Variants in KITLG observed in about 807,000 individuals in gnomAD.
The protein encoded by KITLG is KIT ligand.
A neutral mutation model predicts 34.1 loss-of-function variants in KITLG; 13 were observed. The ratio of observed to expected loss-of-function variants is 0.38; its 90% CI spans 0.25 to 0.61. KITLG has a LOEUF of 0.61. Among genes scored for constraint, KITLG ranks in the 20% least tolerant of loss-of-function variants. The pLI is 0.60. For synonymous variants in KITLG, 110 were observed against 104.0 expected (o/e 1.06, Z -0.35); for missense variants, 292 against 318.9 (o/e 0.92, Z 0.64).
At chr12:88,569,226 C>T (rs1320169159) in intron 1 of KITLG, among the ~76,000 whole-genome samples, 3 of 152,098 alleles carry the variant, frequency 2.0e-5, no homozygotes, top group Non-Finnish European at 2.9e-5. Context: ...ATTGGTGCCG[C>T]GATCTTGGGC....
At chr12:88,552,218 A>C (rs1285976513) in intron 1 of KITLG, among the ~76,000 whole-genome samples, 1 of 149,320 alleles carries the variant, frequency 6.7e-6, no homozygotes, top group Non-Finnish European at 1.5e-5. Context: ...TCTGTTGCTC[A>C]GGCTGGGATG....
chr12:88,549,796 G>T (rs1870832936), intron 1 of KITLG, among the ~76,000 whole-genome samples: 1 of 152,066 alleles, frequency 6.6e-6, no homozygotes, highest in South Asian at 2.1e-4. Context: ...GTGAGTAAAA[G>T]TATAAAAAAG....
chr12:88,526,516 G>A (rs1232987744), intron 3 of KITLG, among the ~76,000 whole-genome samples: 2 of 152,100 alleles, frequency 1.3e-5, no homozygotes, highest in African/African-American at 2.4e-5. Flanking sequence ...AAATGCATAT[G>A]AGCATCCATG....
chr12:88,541,411 T>G (rs1352317398), intron 2 of KITLG, among the ~76,000 whole-genome samples: 2 of 152,166 alleles, frequency 1.3e-5, no homozygotes, highest in African/African-American at 4.8e-5. Context: ...ACATTTTTTC[T>G]TTTTAGCAAC....
At chr12:88,499,533 T>A (rs879888946) in intron 9 of KITLG, among the ~76,000 whole-genome samples, 2 of 152,216 alleles carry the variant, frequency 1.3e-5, no homozygotes, top group African/African-American at 2.4e-5. Context: ...CAAATAAGAT[T>A]CTTTGCAGAT....
chr12:88,545,699 A>T, intron 2 of KITLG, 53 bp downstream of exon 2: 3 of 1,033,136 alleles, frequency 2.9e-6, no homozygotes, highest in Non-Finnish European at 4.4e-6. Flanking sequence ...CAAGCACAGG[A>T]AAAAGAGCCA....
intron 3 of KITLG, among the ~76,000 whole-genome samples, chr12:88,523,553 T>G (rs1033742048): frequency 2.0e-5 from 3 of 152,190 alleles, no homozygotes; most frequent in Non-Finnish European, 4.4e-5. Flanking sequence ...TAATCCAGAG[T>G]CATACCAATG....
At position 88,496,394 on chromosome 12, in the gene KITLG, T is replaced by C. The variant is rs1428844772; in HGVS notation, c.*825A>G. On this transcript the variant is annotated 3_prime_UTR_variant, in exon 10 of 10. Coordinates refer to ENST00000644744, the MANE Select transcript of KITLG (RefSeq NM_000899.5). ...TTTTGCAAACACGATTTATACACCC[T>C]ATAGTGGTCAAGGGAAAAGGCGGAC... 1.3e-5 allele frequency: 2 copies of C among 152,174 alleles called. No homozygotes were observed. Among genetic ancestry groups the C allele is most frequent in the African/African-American group, 4.8e-5 (2 of 41,436 alleles). The allele number at this position is 152,174 out of a possible 1,614,324, so 9.4% of individuals were successfully genotyped here. A position where few individuals can be genotyped will look rare whatever the true frequency, so the allele number is the denominator to read the frequency against.
chr12:88,518,438 G>A (rs1422160650), intron 4 of KITLG, among the ~76,000 whole-genome samples: 2 of 152,130 alleles, frequency 1.3e-5, no homozygotes, highest in Non-Finnish European at 2.9e-5. Context: ...GATAAAGGCA[G>A]GACTGATTTT....
At chr12:88,523,088 A>T (rs1227202996) in intron 3 of KITLG, among the ~76,000 whole-genome samples, 1 of 152,134 alleles carries the variant, frequency 6.6e-6, no homozygotes, top group Non-Finnish European at 1.5e-5. Context: ...TACTTTCTTT[A>T]ATTCGTGTCA....
chr12:88,572,221 T>C (rs1871673840), intron 1 of KITLG, among the ~76,000 whole-genome samples: 1 of 152,134 alleles, frequency 6.6e-6, no homozygotes, highest in Admixed American at 6.6e-5. Flanking sequence ...TTTAAAAGTC[T>C]CATTATTGAA....
intron 2 of KITLG, among the ~76,000 whole-genome samples, chr12:88,545,088 T>C (rs1870669081): frequency 6.6e-6 from 1 of 152,136 alleles, no homozygotes; most frequent in African/African-American, 2.4e-5. Flanking sequence ...GCATTCCAGA[T>C]GTGTTATGCC....
intron 2 of KITLG, chr12:88,534,555 C>G: frequency 2.6e-6 from 1 of 387,754 alleles, no homozygotes. Flanking sequence ...TTAGCAGAGA[C>G]GGGGTTTTGC....
At chr12:88,575,418 C>T (rs1806173837) in intron 1 of KITLG, among the ~76,000 whole-genome samples, 1 of 152,052 alleles carries the variant, frequency 6.6e-6, no homozygotes, top group Admixed American at 6.6e-5. Flanking sequence ...AAATCACTCC[C>T]CCACCTCTTT....
intron 6 of KITLG, among the ~76,000 whole-genome samples, chr12:88,512,671 T>C (rs974076563): frequency 8.6e-5 from 13 of 151,404 alleles, no homozygotes; most frequent in Admixed American, 2.0e-4. Context: ...AGGGTAAAAA[T>C]AAGACAAATG....
chr12:88,527,987 T>A (rs1478979336), intron 3 of KITLG, among the ~76,000 whole-genome samples: 1 of 152,180 alleles, frequency 6.6e-6, no homozygotes. Context: ...TTATTATTGC[T>A]GCTATAACAA....
intron 1 of KITLG, among the ~76,000 whole-genome samples, chr12:88,574,369 T>C (rs908048834): frequency 2.6e-5 from 4 of 151,266 alleles, no homozygotes; most frequent in African/African-American, 9.7e-5. Flanking sequence ...GGAAAGGAGG[T>C]AAGCAAGCAC....
intron 1 of KITLG, among the ~76,000 whole-genome samples, chr12:88,557,533 T>C (rs1281557528): frequency 1.3e-5 from 2 of 152,164 alleles, no homozygotes; most frequent in Non-Finnish European, 2.9e-5. Context: ...TCTGTGAGGA[T>C]AATGATGTGT....
At chr12:88,511,849 C>T (rs1869288698) in intron 6 of KITLG, among the ~76,000 whole-genome samples, 1 of 152,032 alleles carries the variant, frequency 6.6e-6, no homozygotes, top group African/African-American at 2.4e-5. Flanking sequence ...TTCCCTTGTA[C>T]CCAAGAAAGT....
Sources: gnomAD v4.1 joint callset for allele counts (sites outside exome capture counted in the v4.1 genomes callset) on GRCh38, gnomAD v4.1.1 for gene constraint, MANE v1.5 for transcripts, NCBI Gene and HGNC (gene_info 2026-07-23, HGNC 2026-07-21) for gene names.